MAP3K7: variants seen among roughly 807,000 people sequenced by gnomAD.
MAP3K7 encodes mitogen-activated protein kinase kinase kinase 7.
A neutral mutation model predicts 84.8 loss-of-function variants in MAP3K7; 21 were observed. The observed-to-expected ratio is 0.25, with a 90% CI of 0.18 to 0.36. The LOEUF is 0.36. Among genes scored for constraint, MAP3K7 ranks in the 10% least tolerant of loss-of-function variants. The probability of loss-of-function intolerance (pLI) is 1.00; values close to 1 mark genes in which losing one functional copy is unlikely to be tolerated. For missense variants in MAP3K7, 503 were observed against 747.7 expected, an observed-to-expected ratio of 0.67 and a Z score of 3.82; for synonymous variants, 241 against 247.7, an observed-to-expected ratio of 0.97 and a Z score of 0.25.
chr6:90,584,050 AT>A (rs897803540), intron 1 of MAP3K7, among the ~76,000 whole-genome samples: 1 of 151,980 alleles, frequency 6.6e-6, no homozygotes, highest in South Asian at 2.1e-4. Context: ...TTGAATTATT[AT>A]TTTTTTTACA....
intron 1 of MAP3K7, among the ~76,000 whole-genome samples, chr6:90,584,616 A>G (rs943331151): frequency 1.3e-5 from 2 of 152,208 alleles, no homozygotes; most frequent in African/African-American, 4.8e-5. Flanking sequence ...CAAAATGATA[A>G]CTACCTCCTT....
intron 12 of MAP3K7, among the ~76,000 whole-genome samples, chr6:90,539,969 A>T (rs959096571): frequency 2.6e-5 from 4 of 152,012 alleles, no homozygotes; most frequent in Non-Finnish European, 5.9e-5. Flanking sequence ...TCCTTGACTG[A>T]AATTAAAAGC....
At chr6:90,585,397 A>G (rs1465487880) in intron 1 of MAP3K7, among the ~76,000 whole-genome samples, 1 of 152,200 alleles carries the variant, frequency 6.6e-6, no homozygotes, top group Admixed American at 6.5e-5. Flanking sequence ...ACGTTATCTC[A>G]CTACTTTGAA....
In MAP3K7 at chr6:90,516,421, G is replaced by T; in HGVS notation, c.*80C>A. On this transcript the variant is annotated 3_prime_UTR_variant, in exon 17 of 17. Coordinates refer to ENST00000369329, the MANE Select transcript of MAP3K7 (RefSeq NM_145331.3). ...AACACGCCAAAAAGCTAACACTCAT[G>T]AATCGTCATTATAAGGTTTTCCTTT... 1.4e-6 allele frequency: 2 copies of T among 1,439,498 alleles called. No individual in the cohort carries two copies. Among genetic ancestry groups the T allele is most frequent in the Admixed American group, 2.1e-5 (1 of 48,176 alleles). The allele number at this position is 1,439,498 out of a possible 1,614,324, so 89.2% of individuals were successfully genotyped here.
At chr6:90,520,016 GCTTTT>G (rs1450425054) in intron 14 of MAP3K7, among the ~76,000 whole-genome samples, 1 of 152,012 alleles carries the variant, frequency 6.6e-6, no homozygotes, top group African/African-American at 2.4e-5. Flanking sequence ...TGAATAGAAT[GCTTTT>G]GTTTATATTT....
chr6:90,548,227 G>A, intron 9 of MAP3K7, 50 bp from the exon 10 acceptor site: 1 of 1,494,298 alleles, frequency 6.7e-7, no homozygotes, highest in East Asian at 2.3e-5. Context: ...TAATACAAAT[G>A]CTTCACTTGG....
At chr6:90,535,467 A>C (rs1775640086) in intron 13 of MAP3K7, among the ~76,000 whole-genome samples, 1 of 151,944 alleles carries the variant, frequency 6.6e-6, no homozygotes, top group African/African-American at 2.4e-5. Context: ...AATATGTAAC[A>C]ATTTCATTAC....
chr6:90,553,382 T>C (rs1776240221), intron 7 of MAP3K7, 76 bp downstream of exon 7: 1 of 1,336,858 alleles, frequency 7.5e-7, no homozygotes. Flanking sequence ...TGATATTCTT[T>C]AGGGAAGGGG....
Position 90,523,731 on chromosome 6 carries a change from G to C in MAP3K7, c.1409C>G (p.Pro470Arg). 1 of 1,613,328 alleles carries C rather than the reference G, an allele frequency of 6.2e-7. No individual in the cohort carries two copies. The highest frequency in any genetic ancestry group is 8.5e-7 in the Non-Finnish European group (1 of 1,179,558). ...ACTTCGAGTTGGCTTTTCTGAGGTT[G>C]GTCCTGAGGTAGTAATCATTCTGAC... ...PSVRMITTSG[P>R]TSEKPTRSHP... Residue 470 changes from proline to arginine, a missense_variant, in exon 14 of 17, where the codon CCA (proline) becomes CGA (arginine). By Grantham distance (103) the Pro-to-Arg change is moderately radical (BLOSUM62 -2). Coordinates refer to ENST00000369329, the MANE Select transcript of MAP3K7 (RefSeq NM_145331.3).
rs1776515322 is a variant in MAP3K7 at position 90,561,554 on chromosome 6, A to T, written c.343+68T>A. ...AATTGTGAAGAATGTTAAACAACTT[A>T]GGGTTTATATTAAAATTTTTCAAAT... On this transcript the variant is annotated intron_variant, in intron 4 of 16. Coordinates refer to ENST00000369329, the MANE Select transcript of MAP3K7 (RefSeq NM_145331.3). 2.6e-6 allele frequency: 3 copies of T among 1,176,368 alleles called. No individual in the cohort carries two copies. The African/African-American group carries it at 4.6e-5, about 18-fold the overall frequency. The allele number at this position is 1,176,368 out of a possible 1,614,324, so 72.9% of individuals were successfully genotyped here. A position where few individuals can be genotyped will look rare whatever the true frequency, so the allele number is the denominator to read the frequency against.
At chr6:90,586,615 C>T in intron 1 of MAP3K7, 149 bp downstream of exon 1, 1 of 1,031,690 alleles carries the variant, frequency 9.7e-7, no homozygotes, top group Non-Finnish European at 1.4e-6. Context: ...CCCACTCCCA[C>T]GTTACTGAGG....
intron 3 of MAP3K7, among the ~76,000 whole-genome samples, chr6:90,567,531 T>A (rs1776750416): frequency 6.6e-6 from 1 of 152,148 alleles, no homozygotes; most frequent in Admixed American, 6.5e-5. Flanking sequence ...CTCACACCAG[T>A]TAGAATGGTG....
intron 6 of MAP3K7, among the ~76,000 whole-genome samples, chr6:90,554,382 T>C (rs940524756): frequency 1.3e-5 from 2 of 152,226 alleles, no homozygotes; most frequent in Admixed American, 1.3e-4. Context: ...ACGAAAATTA[T>C]GGATAACCTG....
rs1275921796 is a variant in MAP3K7 at position 90,552,031 on chromosome 6, T to C, written c.867+18A>G. On this transcript the variant is annotated intron_variant, in intron 8 of 16. Coordinates refer to ENST00000369329, the MANE Select transcript of MAP3K7 (RefSeq NM_145331.3). ...TAAATTCCCCTAAATCCAAAGCCCCTCAAAAGAAGGATTATACCCGCATCA... is the reference window on the plus strand; with the variant it reads ...TAAATTCCCCTAAATCCAAAGCCCCCCAAAAGAAGGATTATACCCGCATCA... 4 of 1,586,976 alleles carry C rather than the reference T, an allele frequency of 2.5e-6. No individual in the cohort carries two copies. In the South Asian group the frequency reaches 4.5e-5, roughly 18 times the overall value.
At chr6:90,521,808 T>C (rs9353736) in intron 14 of MAP3K7, among the ~76,000 whole-genome samples, 1 of 152,086 alleles carries the variant, frequency 6.6e-6, no homozygotes, top group Non-Finnish European at 1.5e-5. Flanking sequence ...CATTATATTA[T>C]AAATAGGAAC....
intron 7 of MAP3K7, 67 bp downstream of exon 7, chr6:90,553,391 G>C: frequency 7.1e-7 from 1 of 1,407,110 alleles, no homozygotes; most frequent in African/African-American, 1.4e-5. Flanking sequence ...TTAGGGAAGG[G>C]GACAGGAGTA....
At chr6:90,548,013 G>C (rs1776058662) in intron 10 of MAP3K7, 34 bp downstream of exon 10, 1 of 1,572,276 alleles carries the variant, frequency 6.4e-7, no homozygotes, top group East Asian at 2.3e-5. Context: ...CTACTGGTAA[G>C]GTTACCAGTT....
chr6:90,556,790 T>C (rs1402103232), intron 5 of MAP3K7, among the ~76,000 whole-genome samples, 166 bp from the exon 6 acceptor site: 1 of 152,180 alleles, frequency 6.6e-6, no homozygotes, highest in East Asian at 1.9e-4. Flanking sequence ...AGCCTAATAG[T>C]TCAGAGAAAT....
intron 10 of MAP3K7, 98 bp downstream of exon 10, chr6:90,547,949 A>G (rs1776056730): frequency 6.9e-6 from 7 of 1,012,872 alleles, no homozygotes; most frequent in Admixed American, 3.3e-5. Flanking sequence ...AAAATTCAGG[A>G]TTTATAAAAT....
Sources: gnomAD v4.1 joint callset for allele counts (sites outside exome capture counted in the v4.1 genomes callset) on GRCh38, gnomAD v4.1.1 for gene constraint, MANE v1.5 for transcripts, NCBI Gene and HGNC (gene_info 2026-07-23, HGNC 2026-07-21) for gene names.